FUZ: variants seen among roughly 807,000 people sequenced by gnomAD.
The protein encoded by FUZ is protein fuzzy homolog.
Under a neutral mutation model 43.1 loss-of-function variants are expected in FUZ, and 31 were observed. The observed-to-expected ratio is 0.72, with a 90% CI of 0.54 to 0.97. FUZ has a LOEUF of 0.97. FUZ is among the 50% of genes least tolerant of loss of function. The pLI is 0.00. For missense variants in FUZ, 539 were observed against 543.8 expected (o/e 0.99, Z 0.09); for synonymous variants, 274 against 250.0 (o/e 1.10, Z -0.91).
At chr19:49,812,972 A>C in intron 1 of FUZ, 24 bp downstream of exon 1, 1 of 1,539,202 alleles carries the variant, frequency 6.5e-7, no homozygotes, top group Non-Finnish European at 8.8e-7. Flanking sequence ...CCTTCGGTTT[A>C]GATACAGGCG....
Position 49,809,178 on chromosome 19 carries a change from G to A in FUZ, c.771C>T (p.Ser257=). Residue 257 remains serine (S), a synonymous_variant, in exon 7 of 11, where the codon AGC becomes AGT. Transcript: ENST00000313777. This position sits in a 1 kb window ranked among gnomAD's most constrained non-coding sequence, Gnocchi z 5.1. ...CLLCGPSPPL[S]QLYPQLLERW... ...GCGGGTTCACCTGTGGATACAACTG[G>A]CTGAGGGGTGGGCTCGGCCCGCAGA... The A allele has an allele frequency of 6.4e-7, 1 of 1,551,870 alleles. No homozygotes were observed. Among genetic ancestry groups the A allele is most frequent in the Non-Finnish European group, 8.7e-7 (1 of 1,147,178 alleles).
In FUZ at chr19:49,807,073, G is replaced by A; in HGVS notation, c.*78C>T. The stretch of plus-strand genomic sequence containing the variant: ...CCTCCTACCCCCTCCCCATCCAGGG[G>A]CTGTGTATTATTGTGAGCGAATAAA... On this transcript the variant is annotated 3_prime_UTR_variant, in exon 11 of 11. Transcript: ENST00000313777. The A allele has an allele frequency of 1.3e-6, 2 of 1,597,698 alleles. No homozygotes were observed. Among genetic ancestry groups the A allele is most frequent in the Non-Finnish European group, 1.7e-6 (2 of 1,175,920 alleles).
intron 3 of FUZ, 93 bp from the exon 4 acceptor site, chr19:49,811,792 TCTGGGGA>T (rs2073808761): frequency 9.5e-7 from 1 of 1,057,296 alleles, no homozygotes; most frequent in Non-Finnish European, 1.5e-6. Flanking sequence ...CACTTCTGGG[TCTGGGGA>T]CTGGGGAGTC....
Position 49,811,474 on chromosome 19 carries a change from G to A in FUZ, c.388-7C>T. On this transcript the variant is annotated splice_region_variant and splice_polypyrimidine_tract_variant and intron_variant, in intron 4 of 10. Coordinates refer to ENST00000313777, the MANE Select transcript of FUZ (RefSeq NM_025129.5). ...CGATGAGGCAATAACTGGCCTAGGAGAGGAAGAAGGGACCAGCCTAGGATT... is the reference window on the plus strand; with the variant it reads ...CGATGAGGCAATAACTGGCCTAGGAAAGGAAGAAGGGACCAGCCTAGGATT... 1 of 1,612,538 alleles carries A rather than the reference G, an allele frequency of 6.2e-7. No homozygotes were observed. Among genetic ancestry groups the A allele is most frequent in the South Asian group, 1.1e-5 (1 of 91,060 alleles).
chr19:49,807,282 T>C lies in FUZ; in HGVS notation c.1126A>G (p.Thr376Ala), dbSNP rs775750862. 1 of 1,613,408 alleles carries C rather than the reference T, an allele frequency of 6.2e-7. No individual in the cohort carries two copies. Among genetic ancestry groups the C allele is most frequent in the Admixed American group, 1.7e-5 (1 of 59,972 alleles). Residue 376 changes from threonine (T) to alanine (A), a missense_variant, in exon 11 of 11, where the codon ACA becomes GCA. Physicochemically the swap from Thr to Ala is moderately conservative, Grantham distance 58 (BLOSUM62 0). Transcript: ENST00000313777. ...YLVLGTEEPG[T>A]GVRLVALQLG... is the part of the protein sequence containing the mutation. The stretch of plus-strand genomic sequence containing the variant: ...TGCAAGGCCACCAGACGCACTCCTG[T>C]GCCTGGTTCCTCAGTCCCCAACACC...
rs1292219006 is a variant in FUZ, at chr19:49,812,275, T to C, written c.294A>G (p.Leu98=). ...VGISELRLER[L]LQMVFGAMVL... ...CCATGGCTCCAAACACCATTTGGAG[T>C]AGTCTCTCCAGCCTCAGCTCAGAGA... The change falls in exon 3 of 11, where the codon CTA becomes CTG. Residue 98 remains leucine (L), a synonymous_variant. Transcript: ENST00000313777. 1.2e-6 allele frequency: 2 copies of C among 1,613,422 alleles called. No homozygotes were observed. Among genetic ancestry groups the C allele is most frequent in the Admixed American group, 3.3e-5 (2 of 59,972 alleles).
In FUZ at chr19:49,806,994, G is replaced by T. The variant is rs899437235; in HGVS notation, c.*157C>A. ...CTTTCCCCCCCAAGCACAGAGGGGA[G>T]AGGGGCCAGGGAAGTGGATGTCTCC... On this transcript the variant is annotated 3_prime_UTR_variant, in exon 11 of 11. Coordinates refer to ENST00000313777, the MANE Select transcript of FUZ (RefSeq NM_025129.5). The T allele has an allele frequency of 2.0e-6, 3 of 1,526,776 alleles. No individual in the cohort carries two copies. In the African/African-American group the frequency reaches 4.1e-5, roughly 21 times the overall value. The allele number at this position is 1,526,776 out of a possible 1,614,324, so 94.6% of individuals were successfully genotyped here. A position where few individuals can be genotyped will look rare whatever the true frequency, so the allele number is the denominator to read the frequency against.
rs770981493 is a variant in FUZ, at chr19:49,811,487, C to T, written c.388-20G>A. The T allele has an allele frequency of 1.9e-6, 3 of 1,609,140 alleles. No individual in the cohort carries two copies. The highest frequency in any genetic ancestry group is 1.7e-4 in the Middle Eastern group (1 of 6,054). Reference sequence around the variant, plus strand: ...ACTGGCCTAGGAGAGGAAGAAGGGACCAGCCTAGGATTCAAGTGGGCCCAG... The same window carrying T: ...ACTGGCCTAGGAGAGGAAGAAGGGATCAGCCTAGGATTCAAGTGGGCCCAG... On this transcript the variant is annotated intron_variant, in intron 4 of 10. Coordinates refer to ENST00000313777, the MANE Select transcript of FUZ (RefSeq NM_025129.5).
chr19:49,807,433 C>T (rs2073445233), intron 10 of FUZ, 59 bp from the exon 11 acceptor site: 6 of 1,502,002 alleles, frequency 4.0e-6, no homozygotes, highest in South Asian at 1.2e-5. Flanking sequence ...TTGCAAGCCA[C>T]ACCACATCCT....
intron 2 of FUZ, 89 bp from the exon 3 acceptor site, chr19:49,812,424 G>T: frequency 7.5e-7 from 1 of 1,336,384 alleles, no homozygotes; most frequent in Non-Finnish European, 1.1e-6. Context: ...TAGAACACCA[G>T]ATACATCCTC....
rs766049090 is a variant in FUZ at position 49,811,351 on chromosome 19, C to A, written c.492+12G>T. The A allele has an allele frequency of 6.4e-7, 1 of 1,572,106 alleles. No individual in the cohort carries two copies. Among genetic ancestry groups the A allele is most frequent in the Non-Finnish European group, 8.7e-7 (1 of 1,150,824 alleles). ...AGAACAGGTGTAAGAGTTTCCATAG[C>A]ATCCCCAGTACCTGCAAGAGGGACC... On this transcript the variant is annotated intron_variant, in intron 5 of 10. Transcript: ENST00000313777.
chr19:49,807,719 G>T (rs1325530944), intron 10 of FUZ, among the ~76,000 whole-genome samples: 8 of 152,178 alleles, frequency 5.3e-5, no homozygotes, highest in Non-Finnish European at 2.9e-5. Context: ...CACTGTACAA[G>T]GCGGGTGGAG....
At chr19:49,808,038 G>A in intron 10 of FUZ, 1 of 369,452 alleles carries the variant, frequency 2.7e-6, no homozygotes, top group Non-Finnish European at 5.2e-6. Context: ...TTCAAATATG[G>A]CTCTGCCACT....
At position 49,813,003 on chromosome 19, in the gene FUZ, C is replaced by CG. The variant is rs2073865280; in HGVS notation, c.103dup (p.Arg35ProfsTer43). 6.4e-7 allele frequency: 1 copy of CG among 1,550,722 alleles called. No individual in the cohort carries two copies. The highest frequency in any genetic ancestry group is 8.7e-7 in the Non-Finnish European group (1 of 1,146,814). ...AGGCGTCCAAGGCCCCACCTGCTGA[C>CG]GGGCGGGGGCGCCGCCGCGACTGCT... On this transcript the variant is annotated frameshift_variant, in exon 1 of 11. Transcript: ENST00000313777. LOFTEE classifies it high-confidence loss of function.
intron 7 of FUZ, 158 bp from the exon 8 acceptor site, chr19:49,808,981 G>A (rs1034823869): frequency 3.9e-4 from 336 of 862,598 alleles, no homozygotes; most frequent in Non-Finnish European, 5.8e-4. Flanking sequence ...GAAGGGGCGA[G>A]GCCTGGAAGA....
chr19:49,809,319 C>T lies in FUZ; in HGVS notation c.690+59G>A, dbSNP rs1378076352. 2.6e-6 allele frequency: 4 copies of T among 1,547,922 alleles called. No individual in the cohort carries two copies. Among genetic ancestry groups the T allele is most frequent in the Non-Finnish European group, 2.6e-6 (3 of 1,146,580 alleles). On this transcript the variant is annotated intron_variant, in intron 6 of 10. Coordinates refer to ENST00000313777, the MANE Select transcript of FUZ (RefSeq NM_025129.5). This position sits in a 1 kb window ranked among gnomAD's most constrained non-coding sequence, Gnocchi z 5.1. ...CGGCCCCTTTCCATCGCAGATCCCG[C>T]CTCCTCGCGACTCGGCCCCCAGGTC...
At chr19:49,811,226 T>C (rs1468117128) in intron 5 of FUZ, 137 bp downstream of exon 5, 3 of 713,048 alleles carry the variant, frequency 4.2e-6, no homozygotes, top group South Asian at 1.5e-5. Flanking sequence ...AAAAAGATTC[T>C]TCTGGGACCA....
rs772901977 is a variant in FUZ, at chr19:49,808,784, G to T, written c.826C>A (p.Arg276=). The T allele has an allele frequency of 6.4e-7, 1 of 1,560,846 alleles. No individual in the cohort carries two copies. Among genetic ancestry groups the T allele is most frequent in the South Asian group, 1.2e-5 (1 of 85,320 alleles). Residue 276 remains arginine (R), a synonymous_variant, in exon 8 of 11, where the codon CGG becomes AGG. Coordinates refer to ENST00000313777, the MANE Select transcript of FUZ (RefSeq NM_025129.5). ...RWWQPLLDPL[R]ACLPLGPRAL... Reference sequence around the variant, plus strand: ...CGGGGTCCCAACGGCAGACAGGCCCGCAACGGGTCCAGCAGTGGCTGCCAC... The same window carrying T: ...CGGGGTCCCAACGGCAGACAGGCCCTCAACGGGTCCAGCAGTGGCTGCCAC...
Position 49,809,026 on chromosome 19 carries a change from G to A in FUZ, c.786+137C>T. On this transcript the variant is annotated intron_variant, in intron 7 of 10. Coordinates refer to ENST00000313777, the MANE Select transcript of FUZ (RefSeq NM_025129.5). The surrounding 1 kb of genome is among the most constrained non-coding windows in gnomAD (Gnocchi z 5.1). ...GAGGCGGGAGCGGCCGATCTTGGCGGGTAGGTGAATGACTGGAGCGCAGTC... is the reference window on the plus strand; with the variant it reads ...GAGGCGGGAGCGGCCGATCTTGGCGAGTAGGTGAATGACTGGAGCGCAGTC... 1 of 961,962 alleles carries A rather than the reference G, an allele frequency of 1.0e-6. No homozygotes were observed. Among genetic ancestry groups the A allele is most frequent in the Non-Finnish European group, 1.6e-6 (1 of 616,706 alleles). The allele number at this position is 961,962 out of a possible 1,614,324, so 59.6% of individuals were successfully genotyped here.
Sources: gnomAD v4.1 joint callset for allele counts (sites outside exome capture counted in the v4.1 genomes callset) on GRCh38, gnomAD v4.1.1 for gene constraint, Gnocchi (gnomAD v3.1) non-coding constraint, MANE v1.5 for transcripts, NCBI Gene and HGNC (gene_info 2026-07-23, HGNC 2026-07-21) for gene names.